TRAF3: variants seen among roughly 807,000 people sequenced by gnomAD.
The protein encoded by TRAF3 is TNF receptor-associated factor 3.
Under a neutral mutation model 62.3 loss-of-function variants are expected in TRAF3, and 13 were observed. The observed-to-expected ratio is 0.21, with a 90% CI of 0.14 to 0.33. The LOEUF is 0.33. Among genes scored for constraint, TRAF3 ranks in the 10% least tolerant of loss-of-function variants. The probability of loss-of-function intolerance (pLI) is 1.00; values close to 1 mark genes in which losing one functional copy is unlikely to be tolerated. For missense variants in TRAF3, 440 were observed against 741.8 expected (o/e 0.59, Z 4.73); for synonymous variants, 269 against 283.4 (o/e 0.95, Z 0.51).
Position 102,778,109 on chromosome 14 carries a change from G to T in TRAF3, c.-157+434G>T, listed in dbSNP as rs1595268616. ...GCCGAGCGCGCTGCCCGGGCCGGCCGGGGGGGCCCGGGCGTTATTGGAAAG... is the reference window on the plus strand; with the variant it reads ...GCCGAGCGCGCTGCCCGGGCCGGCCTGGGGGGCCCGGGCGTTATTGGAAAG... On this transcript the variant is annotated intron_variant, in intron 1 of 11. Coordinates refer to ENST00000392745, the MANE Select transcript of TRAF3 (RefSeq NM_145725.3). Among the ~76,000 whole-genome samples, 8 of 149,186 alleles carry T rather than the reference G, an allele frequency of 5.4e-5. No homozygotes were observed. The East Asian group carries it at 1.4e-3, about 26-fold the overall frequency.
At chr14:102,861,218 A>G (rs1001213031) in intron 2 of TRAF3, among the ~76,000 whole-genome samples, 3 of 152,292 alleles carry the variant, frequency 2.0e-5, no homozygotes, top group East Asian at 3.9e-4. Flanking sequence ...CATGTCCCAT[A>G]ATCTTGGACA....
At chr14:102,831,893 C>A (rs1473300600) in intron 2 of TRAF3, among the ~76,000 whole-genome samples, 1 of 152,040 alleles carries the variant, frequency 6.6e-6, no homozygotes, top group African/African-American at 2.4e-5. Flanking sequence ...ATTTGCTTAT[C>A]TAAAAGTTTT....
chr14:102,831,512 G>A (rs1339270142), intron 2 of TRAF3, among the ~76,000 whole-genome samples: 3 of 152,204 alleles, frequency 2.0e-5, no homozygotes, highest in African/African-American at 7.2e-5. Flanking sequence ...TGCAGATAGA[G>A]CGTGGAGTGC....
chr14:102,863,260 C>T (rs2139791029), intron 2 of TRAF3, among the ~76,000 whole-genome samples: 1 of 152,272 alleles, frequency 6.6e-6, no homozygotes, highest in African/African-American at 2.4e-5. Flanking sequence ...CCTTCTCCCC[C>T]AGGGTTTATT....
intron 1 of TRAF3, among the ~76,000 whole-genome samples, chr14:102,798,664 A>G (rs950998263): frequency 2.0e-5 from 3 of 152,022 alleles, no homozygotes; most frequent in African/African-American, 7.3e-5. Flanking sequence ...TTTTGTAGAG[A>G]TGGGGCCTCT....
At chr14:102,845,851 A>C (rs1886674608) in intron 2 of TRAF3, among the ~76,000 whole-genome samples, 1 of 151,730 alleles carries the variant, frequency 6.6e-6, no homozygotes, top group African/African-American at 2.4e-5. Flanking sequence ...GTGGTGGCAC[A>C]TGCTTGTAAT....
chr14:102,850,695 A>C (rs1312259149), intron 2 of TRAF3, among the ~76,000 whole-genome samples: 1 of 151,212 alleles, frequency 6.6e-6, no homozygotes, highest in Non-Finnish European at 1.5e-5. Context: ...GTCTAAAAAA[A>C]AAAAAAAAAA....
rs557511346 is a variant in TRAF3, at chr14:102,784,327, A to G, written c.-157+6652A>G. On this transcript the variant is annotated intron_variant, in intron 1 of 11. Transcript: ENST00000392745. The stretch of plus-strand genomic sequence containing the variant: ...AACCTCCGCCCCCTGGGTTCAAGCT[A>G]TTCTCCTGCCCCAGCCTCCTGAGTA... Among the ~76,000 whole-genome samples, 27 of 145,580 alleles carry G rather than the reference A, an allele frequency of 1.9e-4. No individual in the cohort carries two copies. In the South Asian group the frequency reaches 5.5e-3, roughly 30 times the overall value.
chr14:102,848,401 G>T (rs780527086), intron 2 of TRAF3, among the ~76,000 whole-genome samples: 3 of 152,184 alleles, frequency 2.0e-5, no homozygotes, highest in Non-Finnish European at 4.4e-5. Context: ...TGCTGCCCAG[G>T]CTGGCCATAG....
intron 1 of TRAF3, among the ~76,000 whole-genome samples, chr14:102,794,681 G>A (rs1439587661): frequency 1.3e-5 from 2 of 152,316 alleles, no homozygotes; most frequent in Admixed American, 1.3e-4. Context: ...AGTGCTCTCA[G>A]TAATATATGT....
intron 1 of TRAF3, among the ~76,000 whole-genome samples, chr14:102,829,290 G>T (rs1900516935): frequency 6.6e-6 from 1 of 152,216 alleles, no homozygotes; most frequent in South Asian, 2.1e-4. Flanking sequence ...TTTTCCAGCT[G>T]AGGGCCTGCA....
rs148990731 is a variant in TRAF3 at position 102,841,175 on chromosome 14, G to C, written c.-18+10703G>C. 3.5e-3 allele frequency among the ~76,000 whole-genome samples: 534 copies of C among 152,344 alleles called. 4 individuals are homozygous for C. Among genetic ancestry groups the C allele is most frequent in the African/African-American group, 0.013 (525 of 41,568 alleles). On this transcript the variant is annotated intron_variant, in intron 2 of 11. Coordinates refer to ENST00000392745, the MANE Select transcript of TRAF3 (RefSeq NM_145725.3). ...AACCCACTGGCTTCACTAAAGTGAT[G>C]ATACAGGAGAAATTGGGGAGGACAA...
At chr14:102,816,497 A>G (rs2139551704) in intron 1 of TRAF3, among the ~76,000 whole-genome samples, 1 of 152,318 alleles carries the variant, frequency 6.6e-6, no homozygotes, top group South Asian at 2.1e-4. Context: ...TTTTGATAAT[A>G]TTACATGTTG....
At chr14:102,815,113 A>AT (rs1899435893) in intron 1 of TRAF3, among the ~76,000 whole-genome samples, 1 of 151,430 alleles carries the variant, frequency 6.6e-6, no homozygotes, top group Non-Finnish European at 1.5e-5. Flanking sequence ...TTTTTAAATT[A>AT]TTTTTTGTAG....
rs938378354 is a variant in TRAF3 at position 102,848,617 on chromosome 14, A to G, written c.-18+18145A>G. Among the ~76,000 whole-genome samples the G allele has an allele frequency of 4.6e-5, 7 of 152,174 alleles. No individual in the cohort carries two copies. In the East Asian group the frequency reaches 5.8e-4, roughly 13 times the overall value. On this transcript the variant is annotated intron_variant, in intron 2 of 11. Transcript: ENST00000392745. ...TAATAGTACCATTCAATTTTCTCCA[A>G]TAGTCTCTGGTATTTTTAGTTTGTT...
At chr14:102,785,958 C>G (rs1048821599) in intron 1 of TRAF3, among the ~76,000 whole-genome samples, 1 of 152,112 alleles carries the variant, frequency 6.6e-6, no homozygotes, top group Non-Finnish European at 1.5e-5. Context: ...CCTGCCTTCT[C>G]CAGGTTGAAG....
intron 4 of TRAF3, among the ~76,000 whole-genome samples, chr14:102,872,826 G>T (rs544161190): frequency 6.6e-6 from 1 of 151,996 alleles, no homozygotes; most frequent in South Asian, 2.1e-4. Context: ...CGAGTAGCTG[G>T]GATTACAGGC....
chr14:102,876,557 C>T (rs1373473372), intron 6 of TRAF3, 32 bp downstream of exon 6: 1 of 1,609,306 alleles, frequency 6.2e-7, no homozygotes, highest in Non-Finnish European at 8.5e-7. Context: ...AGGCCTTCCA[C>T]TCAATTCCTA....
At chr14:102,830,243 G>A (rs1277434866) in intron 1 of TRAF3, 91 bp from the exon 2 acceptor site, 1 of 152,234 alleles carries the variant, frequency 6.6e-6, no homozygotes, top group Non-Finnish European at 1.5e-5. Flanking sequence ...AGGATAGACT[G>A]GCCTTGAGGC....
Sources: gnomAD v4.1 joint callset for allele counts (sites outside exome capture counted in the v4.1 genomes callset) on GRCh38, gnomAD v4.1.1 for gene constraint, MANE v1.5 for transcripts, NCBI Gene and HGNC (gene_info 2026-07-23, HGNC 2026-07-21) for gene names.